The following F13A1 variants were observed in gnomAD, a reference collection of about 807,000 sequenced individuals.
F13A1 encodes the protein coagulation factor XIII A chain, also known as FSF, A subunit.
In F13A1, 47 loss-of-function variants were observed where a neutral mutation model predicts 80.1. The ratio of observed to expected loss-of-function variants is 0.59; its 90% CI spans 0.46 to 0.75. The LOEUF (loss-of-function observed/expected upper bound fraction) is 0.75. Ranked by LOEUF, F13A1 falls within the 30% of genes least tolerant of loss-of-function variation. F13A1 has a pLI of 0.00. For missense variants in F13A1, 817 were observed against 930.4 expected, an observed-to-expected ratio of 0.88 and a Z score of 1.59; for synonymous variants, 349 against 344.9, an observed-to-expected ratio of 1.01 and a Z score of -0.13.
intron 8 of F13A1, among the ~76,000 whole-genome samples, chr6:6,200,248 A>G (rs1221340306): frequency 1.3e-5 from 2 of 151,956 alleles, no homozygotes; most frequent in Non-Finnish European, 2.9e-5. Flanking sequence ...ATGAGGAGGG[A>G]AGAAAGAGGT....
chr6:6,165,326 C>G (rs1379929772), intron 13 of F13A1, among the ~76,000 whole-genome samples: 1 of 152,210 alleles, frequency 6.6e-6, no homozygotes, highest in Non-Finnish European at 1.5e-5. Flanking sequence ...TTAAACTGCT[C>G]TTTAAGTAAA....
chr6:6,208,515 A>G (rs1761534614), intron 8 of F13A1, among the ~76,000 whole-genome samples: 1 of 152,170 alleles, frequency 6.6e-6, no homozygotes, highest in Non-Finnish European at 1.5e-5. Context: ...AAATTTCCCA[A>G]ATTCAATGAA....
chr6:6,164,586 G>T (rs866298330), intron 13 of F13A1, among the ~76,000 whole-genome samples: 2 of 151,942 alleles, frequency 1.3e-5, no homozygotes, highest in African/African-American at 4.8e-5. Flanking sequence ...CCTCTCCCTA[G>T]GCCTCCTTTG....
At chr6:6,163,661 G>C (rs1388198543) in intron 13 of F13A1, among the ~76,000 whole-genome samples, 1 of 152,160 alleles carries the variant, frequency 6.6e-6, no homozygotes, top group Non-Finnish European at 1.5e-5. Flanking sequence ...TCCTGCGAAG[G>C]ACATGACCTC....
chr6:6,297,698 G>C (rs548018203), intron 3 of F13A1, among the ~76,000 whole-genome samples: 3 of 149,174 alleles, frequency 2.0e-5, no homozygotes, highest in Admixed American at 1.3e-4. Context: ...CAAAAAACCA[G>C]CTCCTGGATT....
intron 12 of F13A1, among the ~76,000 whole-genome samples, chr6:6,174,169 C>T (rs1210167867): frequency 2.6e-5 from 4 of 151,972 alleles, no homozygotes; most frequent in African/African-American, 9.7e-5. Context: ...GTGGGTGGAT[C>T]ACCTGAGGTC....
chr6:6,222,393 T>C (rs928566400), intron 7 of F13A1, among the ~76,000 whole-genome samples: 1 of 152,222 alleles, frequency 6.6e-6, no homozygotes. Flanking sequence ...GCAGCTGGTG[T>C]CAGGTGAAGC....
At chr6:6,213,538 TGGAAA>T (rs1761661314) in intron 8 of F13A1, among the ~76,000 whole-genome samples, 1 of 142,082 alleles carries the variant, frequency 7.0e-6, no homozygotes, top group Non-Finnish European at 1.5e-5. Context: ...GCGCTAAACA[TGGAAA>T]GGAACAACCG....
At chr6:6,228,251 T>G (rs1279804662) in intron 6 of F13A1, among the ~76,000 whole-genome samples, 1 of 151,956 alleles carries the variant, frequency 6.6e-6, no homozygotes, top group Admixed American at 6.6e-5. Context: ...AGAAAAAAAT[T>G]TCAAAAACCC....
Position 6,174,812 on chromosome 6 carries a change from C to CTTT in F13A1, c.1512_1514dup (p.Lys505dup), listed in dbSNP as rs1188033011. 6.2e-7 allele frequency: 1 copy of CTTT among 1,614,012 alleles called. No homozygotes were observed. The highest frequency in any genetic ancestry group is 8.5e-7 in the Non-Finnish European group (1 of 1,180,032). Reference sequence around the variant, plus strand: ...TCATGACACCTTCTGTGTTGAGGGGCTTTTTAGCTCCGTACATCAGGGCAG... The same window carrying CTTT: ...TCATGACACCTTCTGTGTTGAGGGGCTTTTTTTTAGCTCCGTACATCAGGGCAG... On this transcript the variant is annotated inframe_insertion, in exon 12 of 15. Transcript: ENST00000264870.
chr6:6,213,806 T>C (rs1342550314), intron 8 of F13A1, among the ~76,000 whole-genome samples: 11 of 146,834 alleles, frequency 7.5e-5, no homozygotes, highest in South Asian at 6.7e-4. Context: ...GAGACACACA[T>C]AGGCTCAAAA....
At chr6:6,170,897 T>G (rs143312329) in intron 12 of F13A1, among the ~76,000 whole-genome samples, 156 of 152,326 alleles carry the variant, frequency 1.0e-3, no homozygotes, top group African/African-American at 3.4e-3. Flanking sequence ...ACCACCTGCC[T>G]GCAGGGCAAA....
intron 3 of F13A1, among the ~76,000 whole-genome samples, chr6:6,301,950 G>C (rs188876298): frequency 1.9e-3 from 288 of 152,306 alleles, no homozygotes; most frequent in Non-Finnish European, 2.1e-3. Flanking sequence ...TCCTCCCTCT[G>C]TCCAACAGTG....
At chr6:6,225,850 A>G (rs544934549) in intron 6 of F13A1, among the ~76,000 whole-genome samples, 53 of 152,252 alleles carry the variant, frequency 3.5e-4, no homozygotes, top group African/African-American at 1.2e-3. Context: ...ATTCTTTCTT[A>G]TGATTGTTTA....
chr6:6,185,274 TC>T (rs1026406554), intron 10 of F13A1, among the ~76,000 whole-genome samples: 1 of 92,648 alleles, frequency 1.1e-5, no homozygotes, highest in Non-Finnish European at 2.1e-5. Context: ...ATGCTATCCC[TC>T]CCCCCTCCCC....
chr6:6,315,152 C>T (rs1758660684), intron 2 of F13A1, among the ~76,000 whole-genome samples: 1 of 152,150 alleles, frequency 6.6e-6, no homozygotes, highest in South Asian at 2.1e-4. Flanking sequence ...CCAAAGCAGA[C>T]CAACAACATA....
chr6:6,251,611 C>A lies in F13A1; in HGVS notation c.572-682G>T, dbSNP rs562049888. Among the ~76,000 whole-genome samples the A allele has an allele frequency of 2.6e-5, 4 of 152,280 alleles. No homozygotes were observed. In the East Asian group the frequency reaches 7.7e-4, roughly 29 times the overall value. Reference sequence around the variant, plus strand: ...ATTCCCAGGCCTGGTGGGAGAGCAGCAAAGCATCTTTAACACAGACAGGAC... The same window carrying A: ...ATTCCCAGGCCTGGTGGGAGAGCAGAAAAGCATCTTTAACACAGACAGGAC... On this transcript the variant is annotated intron_variant, in intron 4 of 14. Transcript: ENST00000264870.
At chr6:6,296,271 A>T (rs1001903979) in intron 3 of F13A1, among the ~76,000 whole-genome samples, 4 of 151,796 alleles carry the variant, frequency 2.6e-5, no homozygotes, top group African/African-American at 9.7e-5. Context: ...AGTTTTTTCC[A>T]ATTCTGTGAA....
intron 4 of F13A1, among the ~76,000 whole-genome samples, chr6:6,263,008 A>G (rs947026834): frequency 6.6e-6 from 1 of 152,234 alleles, no homozygotes; most frequent in East Asian, 1.9e-4. Flanking sequence ...TGAAGCATCC[A>G]TAGTTTCAAA....
Sources: allele counts gnomAD v4.1 joint callset (sites outside exome capture counted in the v4.1 genomes callset), GRCh38; gene constraint gnomAD v4.1.1; transcripts MANE v1.5; gene names NCBI Gene and HGNC (gene_info 2026-07-23, HGNC 2026-07-21).